TRIO: variants seen among roughly 807,000 people sequenced by gnomAD.
TRIO encodes the protein trio Rho guanine nucleotide exchange factor.
In TRIO, 58 loss-of-function variants were observed where a neutral mutation model predicts 351.9. The ratio of observed to expected loss-of-function variants is 0.16; its 90% CI spans 0.13 to 0.21. TRIO has a LOEUF of 0.21. TRIO is among the 10% of genes least tolerant of loss of function. The pLI, the probability that TRIO is intolerant of heterozygous loss-of-function variation, is 1.00. For missense variants in TRIO, 3,201 were observed against 4,027.8 expected (o/e 0.79, Z 5.56); for synonymous variants, 1,758 against 1,595.7 (o/e 1.10, Z -2.42).
At chr5:14,378,771 C>G (rs140296289) in intron 20 of TRIO, among the ~76,000 whole-genome samples, 2,313 of 152,106 alleles carry the variant, frequency 0.015, 59 homozygotes, top group South Asian at 0.02. Flanking sequence ...TGTTGGCCAG[C>G]CTGGTCTCGA....
chr5:14,391,126 A>C (rs755162173), intron 27 of TRIO, 136 bp downstream of exon 27: 1 of 648,404 alleles, frequency 1.5e-6, no homozygotes, highest in Admixed American at 3.7e-5. Context: ...CATTTTGTCT[A>C]TCATGTCTAT....
intron 9 of TRIO, among the ~76,000 whole-genome samples, chr5:14,321,263 C>A (rs567857329): frequency 6.6e-6 from 1 of 152,338 alleles, no homozygotes; most frequent in South Asian, 2.1e-4. Context: ...AGGCAGGACC[C>A]ATCCAAGGAG....
At chr5:14,213,509 A>T (rs569751296) in intron 1 of TRIO, among the ~76,000 whole-genome samples, 2 of 152,234 alleles carry the variant, frequency 1.3e-5, no homozygotes, top group East Asian at 3.9e-4. Flanking sequence ...TAACCCATTT[A>T]TGCCAAGGAC....
Position 14,287,182 on chromosome 5 carries a change from A to C in TRIO, c.540+119A>C. 5.3e-6 allele frequency: 5 copies of C among 951,828 alleles called. No individual in the cohort carries two copies. In the South Asian group the frequency reaches 8.4e-5, roughly 16 times the overall value. 59.0% of individuals were successfully genotyped at this position (951,828 alleles called of 1,614,324 possible). ...ATATTAAACAGGAGCTGCATATCTTACGAACATGTGATACGTAAAATTAGT... is the reference window on the plus strand; with the variant it reads ...ATATTAAACAGGAGCTGCATATCTTCCGAACATGTGATACGTAAAATTAGT... On this transcript the variant is annotated intron_variant, in intron 4 of 56. Coordinates refer to ENST00000344204, the MANE Select transcript of TRIO (RefSeq NM_007118.4).
At chr5:14,343,686 G>A (rs1040670517) in intron 11 of TRIO, among the ~76,000 whole-genome samples, 2 of 152,078 alleles carry the variant, frequency 1.3e-5, no homozygotes, top group African/African-American at 2.4e-5. Flanking sequence ...GTTATTTTCC[G>A]TTTTTGGCTA....
chr5:14,502,538 C>T, intron 53 of TRIO, 41 bp from the exon 54 acceptor site: 2 of 1,609,394 alleles, frequency 1.2e-6, no homozygotes, highest in Middle Eastern at 1.7e-4. Flanking sequence ...CCAAGAAGCT[C>T]CACGGGAAAC....
At chr5:14,325,949 AG>A (rs1162997670) in intron 9 of TRIO, among the ~76,000 whole-genome samples, 2 of 152,154 alleles carry the variant, frequency 1.3e-5, no homozygotes, top group African/African-American at 4.8e-5. Flanking sequence ...ATTTCCTAAG[AG>A]GTTACTTACC....
chr5:14,508,515 C>CT lies in TRIO; in HGVS notation c.*94dup. On this transcript the variant is annotated 3_prime_UTR_variant, in exon 57 of 57. Coordinates refer to ENST00000344204, the MANE Select transcript of TRIO (RefSeq NM_007118.4). The stretch of plus-strand genomic sequence containing the variant: ...AAAACAAGCAAACATAACTGATCAG[C>CT]TGCCGGTATGTTCATCGTGTGAAAT... 4.9e-6 allele frequency: 7 copies of CT among 1,437,068 alleles called. No individual in the cohort carries two copies. Among genetic ancestry groups the CT allele is most frequent in the Non-Finnish European group, 6.6e-6 (7 of 1,061,264 alleles). 89.0% of individuals were successfully genotyped at this position (1,437,068 alleles called of 1,614,324 possible).
At chr5:14,344,591 G>A (rs1334854922) in intron 11 of TRIO, among the ~76,000 whole-genome samples, 3 of 152,118 alleles carry the variant, frequency 2.0e-5, no homozygotes, top group Non-Finnish European at 4.4e-5. Flanking sequence ...GTAGCTGCTG[G>A]CCAGTGTTCT....
At chr5:14,410,110 C>T (rs909982438) in intron 33 of TRIO, among the ~76,000 whole-genome samples, 1 of 152,148 alleles carries the variant, frequency 6.6e-6, no homozygotes, top group Non-Finnish European at 1.5e-5. Context: ...AATGTCGTGT[C>T]GTGAGAACAG....
At chr5:14,263,153 C>A (rs1374108482) in intron 1 of TRIO, among the ~76,000 whole-genome samples, 2 of 152,152 alleles carry the variant, frequency 1.3e-5, no homozygotes, top group African/African-American at 4.8e-5. Context: ...CTGATTTTTC[C>A]ATACCAAATA....
At chr5:14,375,227 A>G (rs1054956943) in intron 19 of TRIO, among the ~76,000 whole-genome samples, 13 of 152,200 alleles carry the variant, frequency 8.5e-5, no homozygotes, top group African/African-American at 3.1e-4. Flanking sequence ...CACAAAAGCA[A>G]CCGTTTTTCT....
chr5:14,274,217 TGTGTTACCTCCTGATGTTTTAG>T lies in TRIO; in HGVS notation c.232+3320_232+3341del, dbSNP rs553990318. 2.6e-5 allele frequency among the ~76,000 whole-genome samples: 4 copies of T among 152,332 alleles called. No individual in the cohort carries two copies. In the South Asian group the frequency reaches 8.3e-4, roughly 32 times the overall value. On this transcript the variant is annotated intron_variant, in intron 2 of 56. Transcript: ENST00000344204. ...TAAGGCTCTTTTAACCTGTAGGTTG[TGTGTTACCTCCTGATGTTTTAG>T]GAAGCGAGGAATCCAGGTGTCTTCC...
intron 3 of TRIO, among the ~76,000 whole-genome samples, chr5:14,282,662 C>G (rs1029492337): frequency 3.3e-5 from 5 of 152,118 alleles, no homozygotes; most frequent in African/African-American, 1.2e-4. Flanking sequence ...CCAGCTTCAG[C>G]GTTTATCAGA....
At chr5:14,461,576 G>C (rs975681899) in intron 35 of TRIO, among the ~76,000 whole-genome samples, 2 of 152,162 alleles carry the variant, frequency 1.3e-5, no homozygotes, top group African/African-American at 4.8e-5. Flanking sequence ...ATGCGCCCCA[G>C]GCCCAGTCAG....
At chr5:14,169,522 C>T (rs902825533) in intron 1 of TRIO, among the ~76,000 whole-genome samples, 3 of 152,124 alleles carry the variant, frequency 2.0e-5, no homozygotes, top group African/African-American at 7.2e-5. Context: ...AATTCTTAGA[C>T]GTTGGTTTCT....
At chr5:14,315,246 C>T (rs893716255) in intron 8 of TRIO, among the ~76,000 whole-genome samples, 3 of 149,800 alleles carry the variant, frequency 2.0e-5, no homozygotes, top group African/African-American at 5.0e-5. Flanking sequence ...CCTGAACTTG[C>T]TCCTCTTTTT....
intron 4 of TRIO, 133 bp from the exon 5 acceptor site, chr5:14,290,583 C>T: frequency 1.1e-6 from 1 of 916,258 alleles, no homozygotes; most frequent in African/African-American, 1.7e-5. Flanking sequence ...GGGGCCAGAA[C>T]CAGGTATGTT....
In TRIO at chr5:14,314,271, T is replaced by C. The variant is rs1270002510; in HGVS notation, c.1501-2242T>C. Among the ~76,000 whole-genome samples, 3 of 152,246 alleles carry C rather than the reference T, an allele frequency of 2.0e-5. No individual in the cohort carries two copies. The East Asian group carries it at 5.8e-4, about 29-fold the overall frequency. On this transcript the variant is annotated intron_variant, in intron 8 of 56. Transcript: ENST00000344204. ...AATTTATATGTGTACATAAAAATTA[T>C]ATGCTACATTGTAAGTTGGAGACAA...
Sources: allele counts gnomAD v4.1 joint callset (sites outside exome capture counted in the v4.1 genomes callset), GRCh38; gene constraint gnomAD v4.1.1; transcripts MANE v1.5; gene names NCBI Gene and HGNC (gene_info 2026-07-23, HGNC 2026-07-21).